The following NGF variants were observed in gnomAD, a reference collection of about 807,000 sequenced individuals.
NGF encodes the protein nerve growth factor.
In NGF, 4 loss-of-function variants were observed where a neutral mutation model predicts 12.8. The observed-to-expected ratio is 0.31, with a 90% CI of 0.15 to 0.72. The LOEUF is 0.72. NGF is among the 30% of genes least tolerant of loss of function. The pLI is 0.69. For synonymous variants in NGF, 140 were observed against 130.0 expected (o/e 1.08, Z -0.52); for missense variants, 283 against 330.8 (o/e 0.86, Z 1.12).
chr1:115,337,414 T>TGAACTCAAGGCGCTCCCCGCCC (rs1655159702), intron 1 of NGF, among the ~76,000 whole-genome samples: 2 of 151,722 alleles, frequency 1.3e-5, no homozygotes, highest in African/African-American at 4.8e-5. Context: ...CCTCCTCGCC[T>TGAACTCAAGGCGCTCCCCGCCC]GAACTCAAGG....
At chr1:115,292,870 C>T (rs756367207) in intron 2 of NGF, among the ~76,000 whole-genome samples, 1 of 151,818 alleles carries the variant, frequency 6.6e-6, no homozygotes, top group Non-Finnish European at 1.5e-5. Context: ...GATCTAAAAG[C>T]ACTTGAAATG....
intron 1 of NGF, among the ~76,000 whole-genome samples, chr1:115,320,096 C>T (rs1336314731): frequency 6.6e-6 from 1 of 152,094 alleles, no homozygotes; most frequent in African/African-American, 2.4e-5. Context: ...TGGGAATAGG[C>T]ATTTGGTAGA....
At chr1:115,287,859 A>G (rs1430061711) in intron 2 of NGF, among the ~76,000 whole-genome samples, 6 of 152,162 alleles carry the variant, frequency 3.9e-5, no homozygotes. Flanking sequence ...TAATCCCCCA[A>G]CTTGGTCAAG....
At chr1:115,333,532 C>T (rs1654983433) in intron 1 of NGF, among the ~76,000 whole-genome samples, 1 of 150,696 alleles carries the variant, frequency 6.6e-6, no homozygotes, top group Non-Finnish European at 1.5e-5. Flanking sequence ...AGACTTCCCG[C>T]ACGTGAATGC....
At chr1:115,286,975 C>CTA (rs1653531759) in intron 2 of NGF, among the ~76,000 whole-genome samples, 168 bp from the exon 3 acceptor site, 1 of 152,094 alleles carries the variant, frequency 6.6e-6, no homozygotes, top group Non-Finnish European at 1.5e-5. Context: ...TATACCGGGA[C>CTA]AACAGGCGTA....
intron 2 of NGF, among the ~76,000 whole-genome samples, chr1:115,290,391 T>C (rs1653654062): frequency 1.8e-5 from 2 of 112,322 alleles, no homozygotes; most frequent in South Asian, 3.1e-4. Flanking sequence ...CTCATCTTTT[T>C]TTTTTTTTTT....
intron 1 of NGF, among the ~76,000 whole-genome samples, chr1:115,304,939 A>T (rs1277136391): frequency 6.6e-6 from 1 of 152,146 alleles, no homozygotes; most frequent in Non-Finnish European, 1.5e-5. Context: ...GTATGCCAAA[A>T]TTGTGAGTTT....
intron 1 of NGF, among the ~76,000 whole-genome samples, chr1:115,316,237 T>C (rs988971482): frequency 1.3e-4 from 20 of 152,288 alleles, no homozygotes; most frequent in African/African-American, 4.3e-4. Context: ...CTAAGTTCTC[T>C]TCTAGTCCTA....
intron 1 of NGF, among the ~76,000 whole-genome samples, chr1:115,337,861 C>A: frequency 6.6e-6 from 1 of 152,276 alleles, no homozygotes; most frequent in East Asian, 1.9e-4. Context: ...CCCTCACTTG[C>A]GCGTTATCCA....
intron 1 of NGF, among the ~76,000 whole-genome samples, chr1:115,311,776 G>A (rs544971953): frequency 1.6e-4 from 24 of 152,254 alleles, no homozygotes; most frequent in Non-Finnish European, 2.4e-4. Flanking sequence ...TCTGTTTACT[G>A]AGCATACAAT....
chr1:115,327,332 A>G (rs755290699), intron 1 of NGF, among the ~76,000 whole-genome samples: 11 of 152,218 alleles, frequency 7.2e-5, no homozygotes, highest in Admixed American at 2.0e-4. Flanking sequence ...GCTTTCTGAC[A>G]TCTCCTGCTC....
At chr1:115,328,031 A>G (rs1654821612) in intron 1 of NGF, among the ~76,000 whole-genome samples, 1 of 152,140 alleles carries the variant, frequency 6.6e-6, no homozygotes, top group South Asian at 2.1e-4. Context: ...TCAAATAGAG[A>G]TATCTTAGCT....
At chr1:115,294,056 C>T (rs1037609017) in intron 1 of NGF, among the ~76,000 whole-genome samples, 2 of 152,190 alleles carry the variant, frequency 1.3e-5, no homozygotes, top group African/African-American at 2.4e-5. Flanking sequence ...AAGTCTTGCC[C>T]CAGCAGATCC....
At chr1:115,304,776 C>T (rs571726020) in intron 1 of NGF, among the ~76,000 whole-genome samples, 1 of 152,268 alleles carries the variant, frequency 6.6e-6, no homozygotes, top group East Asian at 1.9e-4. Context: ...AAAGGCCAGG[C>T]CCTGAGCATA....
rs576848636 is a variant in NGF, at chr1:115,321,009, T to G, written c.-137+17195A>C. 4.6e-5 allele frequency among the ~76,000 whole-genome samples: 7 copies of G among 152,298 alleles called. No homozygotes were observed. In the South Asian group the frequency reaches 1.2e-3, roughly 27 times the overall value. On this transcript the variant is annotated intron_variant, in intron 1 of 2. Transcript: ENST00000369512. ...TTTTCTGGAGGACCTCTCTTTATCTTTGGAGCATCCTTCCTCTCCTTCTCC... is the reference window on the plus strand; with the variant it reads ...TTTTCTGGAGGACCTCTCTTTATCTGTGGAGCATCCTTCCTCTCCTTCTCC...
chr1:115,305,829 A>C (rs12760036), intron 1 of NGF, among the ~76,000 whole-genome samples: 14,086 of 152,234 alleles, frequency 0.093, 1,052 homozygotes, highest in East Asian at 0.31. Context: ...CATTTTGGAT[A>C]AGACTTACTC....
At position 115,297,102 on chromosome 1, in the gene NGF, T is replaced by C. The variant is rs141836473; in HGVS notation, c.-136-3352A>G. On this transcript the variant is annotated intron_variant, in intron 1 of 2. Coordinates refer to ENST00000369512, the MANE Select transcript of NGF (RefSeq NM_002506.3). ...CAGTGGTTCTCAAAGTGTGATTCCATAGTAGTATTTTAGTAATATCTTAGA... is the reference window on the plus strand; with the variant it reads ...CAGTGGTTCTCAAAGTGTGATTCCACAGTAGTATTTTAGTAATATCTTAGA... Among the ~76,000 whole-genome samples, 435 of 152,340 alleles carry C rather than the reference T, an allele frequency of 2.9e-3. 1 individual carries two copies. Among genetic ancestry groups the C allele is most frequent in the Non-Finnish European group, 4.8e-3 (325 of 68,040 alleles).
chr1:115,329,728 TC>T (rs1475131501), intron 1 of NGF, among the ~76,000 whole-genome samples: 1 of 151,230 alleles, frequency 6.6e-6, no homozygotes, highest in African/African-American at 2.4e-5. Flanking sequence ...TATTTTGTTT[TC>T]TTTTTTCTTT....
intron 1 of NGF, among the ~76,000 whole-genome samples, chr1:115,315,916 C>T (rs552506676): frequency 1.4e-4 from 21 of 152,262 alleles, no homozygotes; most frequent in African/African-American, 4.3e-4. Flanking sequence ...TGAAGCCTCC[C>T]GAAGGTATTC....
Sources: allele counts gnomAD v4.1 joint callset (sites outside exome capture counted in the v4.1 genomes callset), GRCh38; gene constraint gnomAD v4.1.1; transcripts MANE v1.5; gene names NCBI Gene and HGNC (gene_info 2026-07-23, HGNC 2026-07-21).